PSMA8: variants seen among roughly 807,000 people sequenced by gnomAD.
PSMA8 encodes proteasome subunit alpha-type 8.
In PSMA8, 18 loss-of-function variants were observed where a neutral mutation model predicts 32.4. That is an observed-to-expected ratio of 0.56 (90% confidence interval 0.38 to 0.82). The LOEUF (loss-of-function observed/expected upper bound fraction) is 0.82. Ranked by LOEUF, PSMA8 falls within the 40% of genes least tolerant of loss-of-function variation. The probability of loss-of-function intolerance (pLI) is 0.00; values close to 1 mark genes in which losing one functional copy is unlikely to be tolerated. For missense variants in PSMA8, 298 were observed against 300.7 expected, an observed-to-expected ratio of 0.99 and a Z score of 0.07; for synonymous variants, 104 against 98.1, an observed-to-expected ratio of 1.06 and a Z score of -0.36.
intron 4 of PSMA8, among the ~76,000 whole-genome samples, chr18:26,161,805 G>A (rs1397090036): frequency 6.6e-6 from 1 of 152,166 alleles, no homozygotes; most frequent in African/African-American, 2.4e-5. Context: ...AGAAGCAGTT[G>A]GCACAAGTAG....
chr18:26,187,683 A>G (rs1336198099), intron 6 of PSMA8, among the ~76,000 whole-genome samples: 1 of 152,176 alleles, frequency 6.6e-6, no homozygotes, highest in Non-Finnish European at 1.5e-5. Context: ...AAGAAGAGAC[A>G]AAAAAGGTCA....
chr18:26,175,323 T>A (rs2055255365), intron 4 of PSMA8, among the ~76,000 whole-genome samples: 1 of 152,194 alleles, frequency 6.6e-6, no homozygotes, highest in Non-Finnish European at 1.5e-5. Context: ...GTGCCATTGG[T>A]ATCAGCATTT....
At chr18:26,191,933 T>C (rs191483556) in intron 6 of PSMA8, among the ~76,000 whole-genome samples, 85 of 152,330 alleles carry the variant, frequency 5.6e-4, no homozygotes, top group African/African-American at 2.0e-3. Context: ...TATAAACTGA[T>C]CAAATTATTA....
rs1244100053 is a variant in PSMA8 at position 26,182,996 on chromosome 18, G to A, written c.660+3866G>A. ...AATCCCAGCTACTTAGGAGGCTGAG[G>A]CAGGAGAATTGCTTGAACCCAGGAG... On this transcript the variant is annotated intron_variant, in intron 6 of 6. Coordinates refer to ENST00000415576, the MANE Select transcript of PSMA8 (RefSeq NM_001025096.2). Among the ~76,000 whole-genome samples the A allele has an allele frequency of 2.6e-5, 4 of 151,680 alleles. 1 individual carries two copies. The highest frequency in any genetic ancestry group is 5.9e-5 in the Non-Finnish European group (4 of 67,964).
intron 3 of PSMA8, among the ~76,000 whole-genome samples, chr18:26,152,953 GA>G (rs1216990582): frequency 2.0e-4 from 30 of 152,160 alleles, no homozygotes; most frequent in Non-Finnish European, 4.0e-4. Context: ...AGAACTGTAA[GA>G]AGCAAATGTC....
At chr18:26,166,318 GAC>G (rs75588077) in intron 4 of PSMA8, among the ~76,000 whole-genome samples, 7,968 of 152,188 alleles carry the variant, frequency 0.052, 381 homozygotes, top group East Asian at 0.15. Context: ...ATAATACTGA[GAC>G]AATATTTCCC....
At chr18:26,137,459 A>G (rs985449462) in intron 1 of PSMA8, among the ~76,000 whole-genome samples, 1 of 152,054 alleles carries the variant, frequency 6.6e-6, no homozygotes, top group African/African-American at 2.4e-5. Flanking sequence ...ATCTGTCTCA[A>G]AAAAAAATTG....
chr18:26,187,788 AC>A (rs1160587965), intron 6 of PSMA8, among the ~76,000 whole-genome samples: 2 of 152,130 alleles, frequency 1.3e-5, no homozygotes, highest in Admixed American at 1.3e-4. Flanking sequence ...TGTAAAGTAA[AC>A]ATTATTAGAG....
chr18:26,157,652 A>G (rs2055100831), intron 3 of PSMA8, among the ~76,000 whole-genome samples: 1 of 152,168 alleles, frequency 6.6e-6, no homozygotes, highest in Non-Finnish European at 1.5e-5. Flanking sequence ...TTAATTAGAG[A>G]TAACCTAGTA....
chr18:26,192,113 A>G (rs1018766450), intron 6 of PSMA8, among the ~76,000 whole-genome samples: 2 of 152,178 alleles, frequency 1.3e-5, no homozygotes, highest in African/African-American at 2.4e-5. Context: ...TAGCACAGTG[A>G]TAGTAGAAAT....
In PSMA8 at chr18:26,183,390, T is replaced by TAA. The variant is rs1169206394; in HGVS notation, c.660+4272_660+4273dup. Among the ~76,000 whole-genome samples, 435 of 142,110 alleles carry TAA rather than the reference T, an allele frequency of 3.1e-3. 21 individuals carry two copies. Among genetic ancestry groups the TAA allele is most frequent in the African/African-American group, 0.011 (411 of 38,508 alleles). The allele number at this position is 142,110 out of a possible 152,430, so 93.2% of individuals were successfully genotyped here. ...CTGGGTGACAGAGCAAGACTCCGTCTAAAAAAAAAAAAATTAACAAACAAA... is the reference window on the plus strand; with the variant it reads ...CTGGGTGACAGAGCAAGACTCCGTCTAAAAAAAAAAAAAAATTAACAAACAAA... On this transcript the variant is annotated intron_variant, in intron 6 of 6. Transcript: ENST00000415576.
At chr18:26,140,681 A>T (rs1433560330) in intron 1 of PSMA8, among the ~76,000 whole-genome samples, 2 of 152,218 alleles carry the variant, frequency 1.3e-5, no homozygotes, top group Non-Finnish European at 2.9e-5. Context: ...TTATTTAGAA[A>T]ATGTTATATT....
chr18:26,147,396 T>C (rs754614382), intron 2 of PSMA8, among the ~76,000 whole-genome samples: 33 of 151,928 alleles, frequency 2.2e-4, no homozygotes, highest in Middle Eastern at 6.8e-3. Flanking sequence ...TGAACAGATA[T>C]CTTGAGAGAA....
At chr18:26,137,854 G>C (rs945245210) in intron 1 of PSMA8, among the ~76,000 whole-genome samples, 10 of 152,174 alleles carry the variant, frequency 6.6e-5, no homozygotes, top group Non-Finnish European at 1.0e-4. Context: ...CCAGGTGTTG[G>C]GGAGGTCCCT....
chr18:26,189,171 TG>T (rs2055381911), intron 6 of PSMA8, among the ~76,000 whole-genome samples: 1 of 151,940 alleles, frequency 6.6e-6, no homozygotes, highest in Non-Finnish European at 1.5e-5. Flanking sequence ...GATCAAAAAA[TG>T]GGTGAAGGAT....
chr18:26,160,346 A>G (rs945371105), intron 4 of PSMA8, among the ~76,000 whole-genome samples: 1 of 152,210 alleles, frequency 6.6e-6, no homozygotes, highest in African/African-American at 2.4e-5. Context: ...GCAATACTGA[A>G]TTAGAACTCA....
At chr18:26,157,915 C>T (rs10221437) in intron 3 of PSMA8, among the ~76,000 whole-genome samples, 13,580 of 152,064 alleles carry the variant, frequency 0.089, 892 homozygotes, top group African/African-American at 0.16. Flanking sequence ...AAATAAACTT[C>T]TGATTTTATT....
At chr18:26,146,167 CT>C (rs202017816) in intron 2 of PSMA8, among the ~76,000 whole-genome samples, 25 of 134,584 alleles carry the variant, frequency 1.9e-4, no homozygotes, top group Middle Eastern at 3.9e-3. Context: ...TGCCTCTTGT[CT>C]TTTTTTTTTT....
intron 1 of PSMA8, among the ~76,000 whole-genome samples, chr18:26,143,560 A>G (rs2054976393): frequency 6.6e-6 from 1 of 152,226 alleles, no homozygotes; most frequent in African/African-American, 2.4e-5. Flanking sequence ...GAAAGCACTT[A>G]GTGAGCTTGT....
Sources: gnomAD v4.1 joint callset for allele counts (sites outside exome capture counted in the v4.1 genomes callset) on GRCh38, gnomAD v4.1.1 for gene constraint, MANE v1.5 for transcripts, NCBI Gene and HGNC (gene_info 2026-07-23, HGNC 2026-07-21) for gene names.